Variants in BARX1 observed in about 807,000 individuals in gnomAD.
The protein encoded by BARX1 is BARX homeobox 1.
In BARX1, 10 loss-of-function variants were observed where a neutral mutation model predicts 19.6. The observed-to-expected ratio is 0.51, with a 90% CI of 0.31 to 0.86. The LOEUF (loss-of-function observed/expected upper bound fraction) is 0.86, where lower values mean the gene tolerates loss of function less well. Among genes scored for constraint, BARX1 ranks in the 40% least tolerant of loss-of-function variants. The pLI, the probability that BARX1 is intolerant of heterozygous loss-of-function variation, is 0.04. For synonymous variants in BARX1, 177 were observed against 170.0 expected (o/e 1.04, Z -0.32); for missense variants, 309 against 360.4 (o/e 0.86, Z 1.15).
Position 93,955,003 on chromosome 9 carries a change from G to T in BARX1, c.144C>A (p.Ala48=). 1 of 1,399,480 alleles carries T rather than the reference G, an allele frequency of 7.1e-7. No homozygotes were observed. Among genetic ancestry groups the T allele is most frequent in the Non-Finnish European group, 9.3e-7 (1 of 1,077,564 alleles). 86.7% of individuals were successfully genotyped at this position (1,399,480 alleles called of 1,614,324 possible). A position where few individuals can be genotyped will look rare whatever the true frequency, so the allele number is the denominator to read the frequency against. The change falls in exon 1 of 4, where the codon GCC becomes GCA. Residue 48 remains alanine (A), a synonymous_variant. Coordinates refer to ENST00000253968, the MANE Select transcript of BARX1 (RefSeq NM_021570.4). This position sits in a 1 kb window ranked among gnomAD's most constrained non-coding sequence, Gnocchi z 4.4. ...GCAGCTCGCCCGCCGCGGCAGCGGC[G>T]GCTGCGGGCGCGGCGCCCTTGGGCC... ...PPGPKGAAPA[A]AAAAAGELLK...
At chr9:93,953,227 C>A in intron 1 of BARX1, 40 bp from the exon 2 acceptor site, 1 of 1,460,202 alleles carries the variant, frequency 6.8e-7, no homozygotes, top group Non-Finnish European at 9.0e-7. Flanking sequence ...GAGCTACGGC[C>A]GCGCTCCTCT....
At chr9:93,952,366 C>G (rs1351230334) in intron 3 of BARX1, 38 bp from the exon 4 acceptor site, 2 of 1,590,964 alleles carry the variant, frequency 1.3e-6, no homozygotes, top group Non-Finnish European at 1.7e-6. Context: ...TGAGCCAGCA[C>G]GTGGACTGGG....
intron 1 of BARX1, 112 bp downstream of exon 1, chr9:93,954,812 G>C: frequency 6.7e-6 from 5 of 741,740 alleles, no homozygotes; most frequent in Non-Finnish European, 9.2e-6. Flanking sequence ...TGCGCTCCCA[G>C]AGCAGCTTCC....
At chr9:93,953,438 T>C in intron 1 of BARX1, 1 of 464,776 alleles carries the variant, frequency 2.2e-6, no homozygotes, top group East Asian at 3.5e-5. Context: ...AGGCCTCAGC[T>C]GCCTCTGAGA....
At position 93,955,073 on chromosome 9, in the gene BARX1, C is replaced by T. The variant is rs1218028254; in HGVS notation, c.74G>A (p.Arg25His). The T allele has an allele frequency of 2.2e-6, 3 of 1,376,428 alleles. No homozygotes were observed. The highest frequency in any genetic ancestry group is 2.8e-6 in the Non-Finnish European group (3 of 1,059,812). The allele number at this position is 1,376,428 out of a possible 1,614,324, so 85.3% of individuals were successfully genotyped here. A position where few individuals can be genotyped will look rare whatever the true frequency, so the allele number is the denominator to read the frequency against. Residue 25 changes from arginine (R) to histidine (H), a missense_variant, in exon 1 of 4, where the codon CGC becomes CAC. By Grantham distance (29) the Arg-to-His change is conservative (BLOSUM62 0). This residue lies in a region of BARX1 where 204 missense variants were observed against 206.8 expected (regional missense o/e 0.99). Coordinates refer to ENST00000253968, the MANE Select transcript of BARX1 (RefSeq NM_021570.4). The surrounding 1 kb of genome is among the most constrained non-coding windows in gnomAD (Gnocchi z 4.4). Reference protein sequence around the residue: ...PEGCADHRPHRYRSFMIEEIL... With the variant: ...PEGCADHRPHHYRSFMIEEIL... ...CTCCTCAATCATGAAGCTGCGATAG[C>T]GGTGCGGCCGGTGGTCCGCGCAGCC...
chr9:93,954,970 G>A lies in BARX1; in HGVS notation c.177C>T (p.Phe59=), dbSNP rs1829144337. The change falls in exon 1 of 4, where the codon TTC becomes TTT. Residue 59 remains phenylalanine, a synonymous_variant. Coordinates refer to ENST00000253968, the MANE Select transcript of BARX1 (RefSeq NM_021570.4). ...AAAAAGELLK[F]GVQALLAARP... ...GCGCCGCCAGCAGCGCCTGCACGCC[G>A]AACTTCAGCAGCTCGCCCGCCGCGG... is the stretch of plus-strand genomic sequence containing the variant. 4 of 1,397,206 alleles carry A rather than the reference G, an allele frequency of 2.9e-6. No homozygotes were observed. The highest frequency in any genetic ancestry group is 3.0e-5 in the Admixed American group (1 of 32,854). The allele number at this position is 1,397,206 out of a possible 1,614,324, so 86.6% of individuals were successfully genotyped here. A position where few individuals can be genotyped will look rare whatever the true frequency, so the allele number is the denominator to read the frequency against.
chr9:93,952,106 C>A lies in BARX1; in HGVS notation c.*58G>T. The stretch of plus-strand genomic sequence containing the variant: ...GGAAGGGCCGGCTCGCGGGTTTCCG[C>A]CGAGTGAGGGGGCTGCGGGTGGCGC... On this transcript the variant is annotated 3_prime_UTR_variant, in exon 4 of 4. Transcript: ENST00000253968. 11 of 1,562,172 alleles carry A rather than the reference C, an allele frequency of 7.0e-6. No homozygotes were observed. The highest frequency in any genetic ancestry group is 1.8e-5 in the Admixed American group (1 of 54,850).
chr9:93,955,083 G>A lies in BARX1; in HGVS notation c.64C>T (p.Arg22Trp), dbSNP rs1314290662. ...ATGAAGCTGCGATAGCGGTGCGGCC[G>A]GTGGTCCGCGCAGCCCTCGGGCGGG... Reference protein sequence around the residue: ...FGPPEGCADHRPHRYRSFMIE... With the variant: ...FGPPEGCADHWPHRYRSFMIE... The change falls in exon 1 of 4, where the codon CGG becomes TGG. Residue 22 changes from arginine (R) to tryptophan (W), a missense_variant. Physicochemically the swap from Arg to Trp is moderately radical, Grantham distance 101. Coordinates refer to ENST00000253968, the MANE Select transcript of BARX1 (RefSeq NM_021570.4). This position sits in a 1 kb window ranked among gnomAD's most constrained non-coding sequence, Gnocchi z 4.4. 2.2e-6 allele frequency: 3 copies of A among 1,369,540 alleles called. No homozygotes were observed. The highest frequency in any genetic ancestry group is 5.4e-5 in the Admixed American group (2 of 37,030). 84.8% of individuals were successfully genotyped at this position (1,369,540 alleles called of 1,614,324 possible). A position where few individuals can be genotyped will look rare whatever the true frequency, so the allele number is the denominator to read the frequency against.
intron 1 of BARX1, 169 bp from the exon 2 acceptor site, chr9:93,953,356 A>G (rs1054887954): frequency 1.2e-5 from 9 of 732,818 alleles, no homozygotes; most frequent in Middle Eastern, 4.0e-4. Flanking sequence ...GACCCTCCTC[A>G]ACGTTGCCGT....
chr9:93,953,609 A>G (rs1829127098), intron 1 of BARX1, among the ~76,000 whole-genome samples: 1 of 152,198 alleles, frequency 6.6e-6, no homozygotes, highest in Admixed American at 6.5e-5. Context: ...AAGAACATGC[A>G]CGGAGCGTGC....
At position 93,952,116 on chromosome 9, in the gene BARX1, G is replaced by A. The variant is rs1169797743; in HGVS notation, c.*48C>T. 2 of 1,578,122 alleles carry A rather than the reference G, an allele frequency of 1.3e-6. No individual in the cohort carries two copies. The highest frequency in any genetic ancestry group is 1.1e-5 in the South Asian group (1 of 88,876). ...GCTCGCGGGTTTCCGCCGAGTGAGG[G>A]GGCTGCGGGTGGCGCGGGCATCCCA... On this transcript the variant is annotated 3_prime_UTR_variant, in exon 4 of 4. Transcript: ENST00000253968.
In BARX1 at chr9:93,954,903, C is replaced by G. The variant is rs1026534066; in HGVS notation, c.223+21G>C. 1.5e-5 allele frequency: 19 copies of G among 1,295,302 alleles called. No homozygotes were observed. In the Admixed American group the frequency reaches 8.0e-4, roughly 54 times the overall value. 80.2% of individuals were successfully genotyped at this position (1,295,302 alleles called of 1,614,324 possible). A position where few individuals can be genotyped will look rare whatever the true frequency, so the allele number is the denominator to read the frequency against. On this transcript the variant is annotated intron_variant, in intron 1 of 3. Transcript: ENST00000253968. Reference sequence around the variant, plus strand: ...GTCTCCCGCCAAGCCCGGCCCGCGACCCCGCGGCCGCCACACGTACCCAGG... The same window carrying G: ...GTCTCCCGCCAAGCCCGGCCCGCGAGCCCGCGGCCGCCACACGTACCCAGG...
Position 93,953,102 on chromosome 9 carries a change from C to T in BARX1, c.309G>A (p.Ala103=), listed in dbSNP as rs1364955819. Residue 103 remains alanine (A), a synonymous_variant, in exon 2 of 4, where the codon GCG becomes GCA. Transcript: ENST00000253968. Reference sequence around the variant, plus strand: ...CGGCGCCGGGCAGCCCGGGCCCTGCCGCCAGCAACGCAGAGCTCAGCCCTG... The same window carrying T: ...CGGCGCCGGGCAGCCCGGGCCCTGCTGCCAGCAACGCAGAGCTCAGCCCTG... ...GCSGLSSALL[A]AGPGLPGAAG... The T allele has an allele frequency of 6.4e-7, 1 of 1,557,546 alleles. No homozygotes were observed. Among genetic ancestry groups the T allele is most frequent in the Admixed American group, 1.9e-5 (1 of 51,854 alleles).
At chr9:93,953,255 A>C in intron 1 of BARX1, 68 bp from the exon 2 acceptor site, 1 of 1,420,416 alleles carries the variant, frequency 7.0e-7, no homozygotes. Context: ...GGACTGCCGC[A>C]CCACGTGCCG....
chr9:93,952,041 A>C lies in BARX1; in HGVS notation c.*123T>G, dbSNP rs1485506033. The stretch of plus-strand genomic sequence containing the variant: ...TTGGCCCCAATTGTCCGCATTCAAG[A>C]TCATAATAAAAAGGCTTAGGAAGTA... On this transcript the variant is annotated 3_prime_UTR_variant, in exon 4 of 4. Coordinates refer to ENST00000253968, the MANE Select transcript of BARX1 (RefSeq NM_021570.4). 2 of 1,276,708 alleles carry C rather than the reference A, an allele frequency of 1.6e-6. No individual in the cohort carries two copies. Among genetic ancestry groups the C allele is most frequent in the African/African-American group, 3.0e-5 (2 of 66,796 alleles). 79.1% of individuals were successfully genotyped at this position (1,276,708 alleles called of 1,614,324 possible).
chr9:93,953,222 AC>A (rs779334751), intron 1 of BARX1, 35 bp from the exon 2 acceptor site: 1 of 1,465,038 alleles, frequency 6.8e-7, no homozygotes, highest in East Asian at 2.5e-5. Context: ...CGGGTGAGCT[AC>A]GGCCGCGCTC....
Position 93,952,826 on chromosome 9 carries a change from G to A in BARX1, c.516-13C>T. 6.2e-7 allele frequency: 1 copy of A among 1,614,114 alleles called. No individual in the cohort carries two copies. Among genetic ancestry groups the A allele is most frequent in the Non-Finnish European group, 8.5e-7 (1 of 1,180,008 alleles). ...AGCAAGATCTATTCTGGAAAGAGCA[G>A]GGCGCACCCTCAGCAAGGCAAGTGA... is the stretch of plus-strand genomic sequence containing the variant. On this transcript the variant is annotated splice_polypyrimidine_tract_variant and intron_variant, in intron 2 of 3. Coordinates refer to ENST00000253968, the MANE Select transcript of BARX1 (RefSeq NM_021570.4).
In BARX1 at chr9:93,952,719, G is replaced by A. The variant is rs1264752352; in HGVS notation, c.600+10C>T. On this transcript the variant is annotated intron_variant, in intron 3 of 3. Transcript: ENST00000253968. ...AAGCTGAGGGGTGGGAAGCCACCAG[G>A]CACACTCACTATTTTCTTCCACTTC... 7 of 1,613,472 alleles carry A rather than the reference G, an allele frequency of 4.3e-6. No individual in the cohort carries two copies. The highest frequency in any genetic ancestry group is 5.9e-6 in the Non-Finnish European group (7 of 1,179,538).
At chr9:93,954,565 C>A (rs998940877) in intron 1 of BARX1, among the ~76,000 whole-genome samples, 3 of 152,256 alleles carry the variant, frequency 2.0e-5, no homozygotes, top group African/African-American at 7.2e-5. Flanking sequence ...TGCGGCGAAG[C>A]CCAGGCGCCC....
Sources: gnomAD v4.1 joint callset for allele counts (sites outside exome capture counted in the v4.1 genomes callset) on GRCh38, gnomAD v4.1.1 for gene constraint, gnomAD v4.1.1 regional missense constraint, Gnocchi (gnomAD v3.1) non-coding constraint, MANE v1.5 for transcripts, NCBI Gene and HGNC (gene_info 2026-07-23, HGNC 2026-07-21) for gene names.